SLC12A8: variants seen among roughly 807,000 people sequenced by gnomAD.
SLC12A8 encodes the protein solute carrier family 12 member 8, also known as cation-chloride cotransporter 9.
In SLC12A8, 69 loss-of-function variants were observed where a neutral mutation model predicts 75.6. The observed-to-expected ratio is 0.91, with a 90% CI of 0.75 to 1.11. The LOEUF (loss-of-function observed/expected upper bound fraction) is 1.11, where lower values mean the gene tolerates loss of function less well. Ranked by LOEUF, SLC12A8 falls within the 50% of genes most tolerant of loss-of-function variation. The pLI is 0.00. For missense variants in SLC12A8, 877 were observed against 896.7 expected (o/e 0.98, Z 0.28); for synonymous variants, 365 against 372.8 (o/e 0.98, Z 0.24).
intron 6 of SLC12A8, among the ~76,000 whole-genome samples, chr3:125,121,503 G>A (rs952577051): frequency 2.0e-5 from 3 of 152,212 alleles, no homozygotes; most frequent in Non-Finnish European, 4.4e-5. Context: ...ATTTGAATGG[G>A]CTTAGGGATG....
At chr3:125,120,530 A>G (rs1933027179) in intron 7 of SLC12A8, 69 bp downstream of exon 7, 5 of 1,121,458 alleles carry the variant, frequency 4.5e-6, no homozygotes, top group Non-Finnish European at 6.7e-6. Context: ...AAAAGGGGCA[A>G]TCCCTCTTCT....
At chr3:125,166,627 C>T (rs769002039) in intron 5 of SLC12A8, among the ~76,000 whole-genome samples, 1 of 152,136 alleles carries the variant, frequency 6.6e-6, no homozygotes, top group African/African-American at 2.4e-5. Flanking sequence ...CCAGGAGACC[C>T]GGGTGCCCTG....
intron 10 of SLC12A8, among the ~76,000 whole-genome samples, chr3:125,099,594 G>A (rs150058247): frequency 3.8e-4 from 58 of 152,142 alleles, no homozygotes; most frequent in African/African-American, 1.3e-3. Context: ...AAAAAAATTC[G>A]GATGACAATG....
chr3:125,108,974 C>T (rs1162665279), intron 9 of SLC12A8, among the ~76,000 whole-genome samples: 1 of 152,156 alleles, frequency 6.6e-6, no homozygotes, highest in East Asian at 1.9e-4. Flanking sequence ...AAAAAAGGTG[C>T]TAGCTGCCTC....
chr3:125,202,399 C>T (rs750996183), intron 2 of SLC12A8, among the ~76,000 whole-genome samples: 20 of 152,272 alleles, frequency 1.3e-4, no homozygotes, highest in Non-Finnish European at 2.5e-4. Context: ...TCAGGCCAGG[C>T]GGCCAGAGTA....
chr3:125,135,578 G>A, intron 6 of SLC12A8, 91 bp downstream of exon 6: 1 of 690,652 alleles, frequency 1.4e-6, no homozygotes, highest in Non-Finnish European at 2.4e-6. Flanking sequence ...TACATACCAA[G>A]AGTACCTGCA....
chr3:125,133,871 C>A (rs913466099), intron 6 of SLC12A8, among the ~76,000 whole-genome samples: 16 of 152,102 alleles, frequency 1.1e-4, no homozygotes, highest in African/African-American at 3.4e-4. Context: ...CCACGCCAGG[C>A]CAGGAATATA....
At chr3:125,173,164 G>T (rs1209322091) in intron 5 of SLC12A8, among the ~76,000 whole-genome samples, 2 of 152,010 alleles carry the variant, frequency 1.3e-5, no homozygotes, top group African/African-American at 4.8e-5. Flanking sequence ...GGGCAACAAG[G>T]GTGAAACTCC....
rs959924120 is a variant in SLC12A8, at chr3:125,102,591, G to A, written c.1705+4890C>T. ...AGAGTCCAGGTACAAGATGATGAGC[G>A]TCTGCACCAAAGTAAAGGCAGCAGG... On this transcript the variant is annotated intron_variant, in intron 10 of 13. Coordinates refer to ENST00000469902, the MANE Select transcript of SLC12A8 (RefSeq NM_024628.6). Among the ~76,000 whole-genome samples, 8 of 152,158 alleles carry A rather than the reference G, an allele frequency of 5.3e-5. No homozygotes were observed. In the South Asian group the frequency reaches 8.3e-4, roughly 16 times the overall value.
At chr3:125,104,510 A>G (rs1386601731) in intron 10 of SLC12A8, among the ~76,000 whole-genome samples, 4 of 133,428 alleles carry the variant, frequency 3.0e-5, no homozygotes, top group Admixed American at 1.4e-4. Context: ...CAAATTAGAA[A>G]AAAAAAAAAA....
intron 8 of SLC12A8, among the ~76,000 whole-genome samples, chr3:125,118,232 G>A (rs1939360937): frequency 6.6e-6 from 1 of 152,086 alleles, no homozygotes. Context: ...AATCCCTCTG[G>A]GCATCATTAT....
chr3:125,183,832 A>G (rs1473900024), intron 4 of SLC12A8, among the ~76,000 whole-genome samples: 1 of 152,002 alleles, frequency 6.6e-6, no homozygotes, highest in African/African-American at 2.4e-5. Context: ...TCTGTAGTCC[A>G]TCGTCTCCTC....
In SLC12A8 at chr3:125,116,421, A is replaced by C. The variant is rs907961774; in HGVS notation, c.912+2348T>G. On this transcript the variant is annotated intron_variant, in intron 8 of 13. Transcript: ENST00000469902. The stretch of plus-strand genomic sequence containing the variant: ...CAAGTGTCATTGCTGGGCCTGATGA[A>C]GCAGGTGCCCCCAGCTGGCTAAGTG... 3.3e-5 allele frequency among the ~76,000 whole-genome samples: 5 copies of C among 152,300 alleles called. 1 individual carries two copies. In the Middle Eastern group the frequency reaches 0.01, roughly 311 times the overall value.
chr3:125,118,843 T>C lies in SLC12A8; in HGVS notation c.838A>G (p.Ile280Val), dbSNP rs758580718. ...AAVGISWFLY[I>V]IFVFLLGAIC... ...GCGCCCAGGAGGAAGACGAAGATGA[T>C]GTACAGAAACCACCTGCAAAACCCA... Residue 280 changes from isoleucine to valine, a missense_variant, in exon 8 of 14, where the codon ATC becomes GTC. Ile to Val is a conservative substitution (Grantham distance 29, BLOSUM62 3). Transcript: ENST00000469902. 1.9e-5 allele frequency: 31 copies of C among 1,613,144 alleles called. No homozygotes were observed. The highest frequency in any genetic ancestry group is 2.6e-5 in the Non-Finnish European group (31 of 1,179,332).
intron 5 of SLC12A8, among the ~76,000 whole-genome samples, chr3:125,153,046 T>G: frequency 6.6e-6 from 1 of 152,196 alleles, no homozygotes; most frequent in East Asian, 1.9e-4. Flanking sequence ...GACAGTGCTC[T>G]GACAATCTGT....
intron 2 of SLC12A8, among the ~76,000 whole-genome samples, chr3:125,204,411 A>G (rs1935186713): frequency 6.6e-6 from 1 of 152,354 alleles, no homozygotes; most frequent in African/African-American, 2.4e-5. Flanking sequence ...AAAATGAATG[A>G]AATCCTGTCA....
rs907872311 is a variant in SLC12A8, at chr3:125,153,481, C to T, written c.623-17699G>A. Among the ~76,000 whole-genome samples, 24 of 152,206 alleles carry T rather than the reference C, an allele frequency of 1.6e-4. 1 individual carries two copies. Among genetic ancestry groups the T allele is most frequent in the Admixed American group, 7.9e-4 (12 of 15,280 alleles). On this transcript the variant is annotated intron_variant, in intron 5 of 13. Coordinates refer to ENST00000469902, the MANE Select transcript of SLC12A8 (RefSeq NM_024628.6). ...ATGGCCGCAATTGAGGGACTCTTCTCAATAGCATGTTCTTGTGCTTCTTCA... is the reference window on the plus strand; with the variant it reads ...ATGGCCGCAATTGAGGGACTCTTCTTAATAGCATGTTCTTGTGCTTCTTCA...
intron 4 of SLC12A8, 151 bp from the exon 5 acceptor site, chr3:125,178,125 G>T: frequency 3.0e-6 from 2 of 663,178 alleles, no homozygotes. Context: ...GGTTAAACCA[G>T]CCCTTCCCAC....
intron 12 of SLC12A8, among the ~76,000 whole-genome samples, chr3:125,090,662 A>G (rs1938561313): frequency 2.0e-5 from 3 of 152,206 alleles, no homozygotes; most frequent in Admixed American, 2.0e-4. Flanking sequence ...CTTCAGCTTC[A>G]TGAAATCACC....
Sources: gnomAD v4.1 joint callset for allele counts (sites outside exome capture counted in the v4.1 genomes callset) on GRCh38, gnomAD v4.1.1 for gene constraint, MANE v1.5 for transcripts, NCBI Gene and HGNC (gene_info 2026-07-23, HGNC 2026-07-21) for gene names.